The following LCLAT1 variants were observed in gnomAD, a reference collection of about 807,000 sequenced individuals.
The protein encoded by LCLAT1 is lysocardiolipin acyltransferase 1, also known as 1-AGP acyltransferase 8.
A neutral mutation model predicts 30.7 loss-of-function variants in LCLAT1; 11 were observed. The observed-to-expected ratio is 0.36, with a 90% CI of 0.23 to 0.59. LCLAT1 has a LOEUF of 0.59. Among genes scored for constraint, LCLAT1 ranks in the 20% least tolerant of loss-of-function variants. The pLI is 0.77. For missense variants in LCLAT1, 402 were observed against 458.6 expected (o/e 0.88, Z 1.13); for synonymous variants, 155 against 151.3 (o/e 1.02, Z -0.18).
At chr2:30,581,565 G>T (rs111744591) in intron 5 of LCLAT1, among the ~76,000 whole-genome samples, 1 of 151,812 alleles carries the variant, frequency 6.6e-6, no homozygotes, top group Non-Finnish European at 1.5e-5. Flanking sequence ...ATACAATGGC[G>T]TTCTATTCAG....
At chr2:30,535,385 A>G (rs1225540272) in intron 3 of LCLAT1, among the ~76,000 whole-genome samples, 5 of 152,150 alleles carry the variant, frequency 3.3e-5, no homozygotes, top group Non-Finnish European at 5.9e-5. Context: ...CTTGCTGGCA[A>G]TTCTGTCCCT....
At chr2:30,462,620 T>C (rs1682213037) in intron 1 of LCLAT1, among the ~76,000 whole-genome samples, 1 of 152,228 alleles carries the variant, frequency 6.6e-6, no homozygotes, top group African/African-American at 2.4e-5. Flanking sequence ...AAGTTGAAAG[T>C]TGCAGCATAG....
In LCLAT1 at chr2:30,578,148, C is replaced by A. The variant is rs140767764; in HGVS notation, c.628+9972C>A. On this transcript the variant is annotated intron_variant, in intron 5 of 5. Transcript: ENST00000379509. Reference sequence around the variant, plus strand: ...ATTTCCTCTCCAAAATCTTTGAGTGCTTTGGATTAATTTTGCATTGTATAA... The same window carrying A: ...ATTTCCTCTCCAAAATCTTTGAGTGATTTGGATTAATTTTGCATTGTATAA... 3.0e-4 allele frequency among the ~76,000 whole-genome samples: 45 copies of A among 152,158 alleles called. 1 individual carries two copies. The highest frequency in any genetic ancestry group is 2.9e-3 in the Admixed American group (44 of 15,260).
At chr2:30,573,968 C>T (rs1029610246) in intron 5 of LCLAT1, among the ~76,000 whole-genome samples, 1 of 151,860 alleles carries the variant, frequency 6.6e-6, no homozygotes, top group Admixed American at 6.6e-5. Context: ...TGACGAAACC[C>T]CATCTCTACT....
chr2:30,583,529 G>T (rs748065891), intron 5 of LCLAT1, among the ~76,000 whole-genome samples: 2 of 152,108 alleles, frequency 1.3e-5, no homozygotes, highest in Non-Finnish European at 2.9e-5. Flanking sequence ...TGCAGTTTCT[G>T]TCTGGCAAGA....
At chr2:30,581,444 C>T (rs1314377598) in intron 5 of LCLAT1, among the ~76,000 whole-genome samples, 1 of 152,162 alleles carries the variant, frequency 6.6e-6, no homozygotes, top group African/African-American at 2.4e-5. Flanking sequence ...GTTGAAGAGA[C>T]ACCTGCACTT....
rs551867085 is a variant in LCLAT1 at position 30,561,902 on chromosome 2, C to A, written c.365-244C>A. Reference sequence around the variant, plus strand: ...CCTTAATATTTTAATAGCTAGTTTTCGCTTGAAAAGATAATTTTGAGAATT... The same window carrying A: ...CCTTAATATTTTAATAGCTAGTTTTAGCTTGAAAAGATAATTTTGAGAATT... On this transcript the variant is annotated intron_variant, in intron 3 of 5. Coordinates refer to ENST00000379509, the MANE Select transcript of LCLAT1 (RefSeq NM_001002257.3). Among the ~76,000 whole-genome samples the A allele has an allele frequency of 8.5e-5, 13 of 152,142 alleles. No homozygotes were observed. In the South Asian group the frequency reaches 2.7e-3, roughly 32 times the overall value.
At chr2:30,539,995 A>G (rs1664052223) in intron 3 of LCLAT1, among the ~76,000 whole-genome samples, 1 of 152,232 alleles carries the variant, frequency 6.6e-6, no homozygotes, top group African/African-American at 2.4e-5. Context: ...ATTTTAAATA[A>G]AATGTCTAAT....
chr2:30,460,855 T>C (rs528547954), intron 1 of LCLAT1, among the ~76,000 whole-genome samples: 1 of 152,268 alleles, frequency 6.6e-6, no homozygotes, highest in African/African-American at 2.4e-5. Flanking sequence ...GCCTAGGTCA[T>C]GAAGCCCCAT....
At chr2:30,500,262 C>T (rs990244072) in intron 1 of LCLAT1, among the ~76,000 whole-genome samples, 1 of 152,028 alleles carries the variant, frequency 6.6e-6, no homozygotes, top group Admixed American at 6.6e-5. Flanking sequence ...ATAATATTAC[C>T]TATAATACAT....
chr2:30,629,417 G>A (rs1225822596), intron 5 of LCLAT1, among the ~76,000 whole-genome samples: 5 of 152,008 alleles, frequency 3.3e-5, no homozygotes, highest in East Asian at 1.9e-4. Context: ...AAAATTAGCC[G>A]GGCATGGTGG....
chr2:30,571,437 C>A (rs542036619), intron 5 of LCLAT1, among the ~76,000 whole-genome samples: 18 of 152,266 alleles, frequency 1.2e-4, no homozygotes, highest in African/African-American at 3.6e-4. Context: ...AAGCAATATA[C>A]CAATCATAGA....
At chr2:30,526,657 C>T (rs1439226879) in intron 2 of LCLAT1, among the ~76,000 whole-genome samples, 1 of 152,130 alleles carries the variant, frequency 6.6e-6, no homozygotes, top group Non-Finnish European at 1.5e-5. Flanking sequence ...GAGTAGTTGG[C>T]AGGATCTCTT....
At chr2:30,542,881 A>G (rs900495228) in intron 3 of LCLAT1, among the ~76,000 whole-genome samples, 2 of 150,810 alleles carry the variant, frequency 1.3e-5, no homozygotes, top group Non-Finnish European at 2.9e-5. Flanking sequence ...TGGGTTCCAT[A>G]GGGTTTCTTT....
intron 1 of LCLAT1, among the ~76,000 whole-genome samples, chr2:30,459,224 G>C (rs1263655625): frequency 6.6e-6 from 1 of 152,148 alleles, no homozygotes; most frequent in African/African-American, 2.4e-5. Context: ...TCTAGGCTGT[G>C]ATTTTGCCCT....
intron 1 of LCLAT1, among the ~76,000 whole-genome samples, chr2:30,468,305 C>A (rs985244995): frequency 2.6e-5 from 4 of 152,106 alleles, no homozygotes; most frequent in African/African-American, 7.2e-5. Flanking sequence ...ATTGGTCTCT[C>A]TCTCTGTTTT....
chr2:30,511,234 C>T (rs765873296), intron 1 of LCLAT1, among the ~76,000 whole-genome samples: 3 of 152,094 alleles, frequency 2.0e-5, no homozygotes, highest in Non-Finnish European at 2.9e-5. Flanking sequence ...TCTGTATTTT[C>T]GAACTCCTGA....
intron 5 of LCLAT1, among the ~76,000 whole-genome samples, chr2:30,574,345 A>G (rs1272180762): frequency 6.6e-6 from 1 of 152,164 alleles, no homozygotes; most frequent in East Asian, 1.9e-4. Context: ...CCAAAGTATT[A>G]TTGACAGTGT....
At chr2:30,484,213 C>T (rs1307446644) in intron 1 of LCLAT1, among the ~76,000 whole-genome samples, 1 of 152,042 alleles carries the variant, frequency 6.6e-6, no homozygotes, top group African/African-American at 2.4e-5. Flanking sequence ...AACTCAAATT[C>T]GCTTTCAAAG....
Sources: gnomAD v4.1 joint callset for allele counts (sites outside exome capture counted in the v4.1 genomes callset) on GRCh38, gnomAD v4.1.1 for gene constraint, MANE v1.5 for transcripts, NCBI Gene and HGNC (gene_info 2026-07-23, HGNC 2026-07-21) for gene names.